Variants in FBXL13 observed in about 807,000 individuals in gnomAD.
FBXL13 encodes the protein F-box and leucine rich repeat protein 13.
A neutral mutation model predicts 83.6 loss-of-function variants in FBXL13; 67 were observed. The ratio of observed to expected loss-of-function variants is 0.80; its 90% CI spans 0.66 to 0.98. The LOEUF (loss-of-function observed/expected upper bound fraction) is 0.98. FBXL13 is among the 50% of genes least tolerant of loss of function. FBXL13 has a pLI of 0.00. For synonymous variants in FBXL13, 272 were observed against 299.5 expected, an observed-to-expected ratio of 0.91 and a Z score of 0.95; for missense variants, 822 against 866.5, an observed-to-expected ratio of 0.95 and a Z score of 0.64.
rs557026224 is a variant in FBXL13, at chr7:102,873,501, C to T, written c.1635+3966G>A. Among the ~76,000 whole-genome samples, 9 of 152,364 alleles carry T rather than the reference C, an allele frequency of 5.9e-5. No individual in the cohort carries two copies. The South Asian group carries it at 1.7e-3, about 28-fold the overall frequency. On this transcript the variant is annotated intron_variant, in intron 16 of 19. Coordinates refer to ENST00000313221, the Ensembl canonical transcript of FBXL13. ...CATGCTTACTGCCCTCTCCCTAACA[C>T]AGGCGTTCATAACTTTTCACCTGGA... is the stretch of plus-strand genomic sequence containing the variant.
intron 6 of FBXL13, among the ~76,000 whole-genome samples, chr7:103,002,680 G>A (rs1192319070): frequency 6.6e-6 from 1 of 152,184 alleles, no homozygotes; most frequent in Admixed American, 6.5e-5. Context: ...GTTGAATGTA[G>A]TATTCTCATT....
At chr7:102,833,064 T>C (rs1341709924) in intron 17 of FBXL13, 90 bp from the exon 19 acceptor site, 4 of 1,353,652 alleles carry the variant, frequency 3.0e-6, no homozygotes, top group African/African-American at 1.5e-5. Flanking sequence ...TACATTTCAG[T>C]CCCTGAAATA....
chr7:102,924,559 C>T (rs1489074232), intron 10 of FBXL13, among the ~76,000 whole-genome samples: 7 of 150,926 alleles, frequency 4.6e-5, no homozygotes, highest in Non-Finnish European at 5.9e-5. Context: ...GGTGCCACTT[C>T]TTAGGCTGGT....
chr7:102,826,069 T>G (rs963466866), intron 18 of FBXL13, among the ~76,000 whole-genome samples: 1 of 152,190 alleles, frequency 6.6e-6, no homozygotes, highest in Non-Finnish European at 1.5e-5. Context: ...GTAGGACCTC[T>G]TTATACAAAA....
At chr7:103,002,242 T>A (rs934329243) in intron 6 of FBXL13, among the ~76,000 whole-genome samples, 42 of 152,194 alleles carry the variant, frequency 2.8e-4, no homozygotes, top group African/African-American at 8.7e-4. Context: ...CAAGTTTTTT[T>A]AAACAGATTA....
intron 2 of FBXL13, among the ~76,000 whole-genome samples, chr7:103,041,917 C>G (rs1435492472): frequency 6.6e-6 from 1 of 152,148 alleles, no homozygotes; most frequent in Non-Finnish European, 1.5e-5. Context: ...TGGCACAAGA[C>G]AAGGATGCCC....
intron 6 of FBXL13, among the ~76,000 whole-genome samples, chr7:103,016,332 G>A (rs1466292102): frequency 6.9e-6 from 1 of 144,910 alleles, no homozygotes; most frequent in Admixed American, 6.9e-5. Context: ...GGGGTGGGGG[G>A]AGGTTCCAAG....
chr7:102,893,495 G>A (rs186266416), intron 11 of FBXL13, among the ~76,000 whole-genome samples: 402 of 152,310 alleles, frequency 2.6e-3, no homozygotes, highest in Middle Eastern at 0.01. Flanking sequence ...GGCTGGGCGC[G>A]GTGGCTCGCG....
At chr7:102,903,946 T>TC (rs1373621533) in intron 11 of FBXL13, among the ~76,000 whole-genome samples, 2 of 142,996 alleles carry the variant, frequency 1.4e-5, no homozygotes, top group African/African-American at 5.3e-5. Flanking sequence ...TTTCTTTTTT[T>TC]TTTTTTTTTT....
At chr7:102,987,870 C>T (rs1829153986) in intron 6 of FBXL13, among the ~76,000 whole-genome samples, 1 of 152,102 alleles carries the variant, frequency 6.6e-6, no homozygotes, top group South Asian at 2.1e-4. Context: ...GCTGAACACG[C>T]TAGGGGGTAG....
At chr7:102,940,548 AT>A (rs991334859) in intron 8 of FBXL13, among the ~76,000 whole-genome samples, 2 of 151,958 alleles carry the variant, frequency 1.3e-5, no homozygotes, top group Non-Finnish European at 2.9e-5. Flanking sequence ...CAAATTTGGA[AT>A]TTTTTTTGCT....
exon 13 of FBXL13, chr7:102,883,594 C>A (rs768656162): frequency 6.2e-7 from 1 of 1,610,406 alleles, no homozygotes; most frequent in South Asian, 1.1e-5. Flanking sequence ...TCTGAGTTTA[C>A]AAGCAGAAAG....
At chr7:103,044,788 A>G (rs1796104926) in intron 2 of FBXL13, among the ~76,000 whole-genome samples, 1 of 152,200 alleles carries the variant, frequency 6.6e-6, no homozygotes, top group African/African-American at 2.4e-5. Context: ...TGTGAAGTTC[A>G]TTTCCTCCTT....
chr7:103,029,875 A>C (rs1226759191), intron 2 of FBXL13, among the ~76,000 whole-genome samples: 1 of 152,174 alleles, frequency 6.6e-6, no homozygotes, highest in African/African-American at 2.4e-5. Context: ...AAAACCACAT[A>C]AATGAAAAGT....
chr7:103,011,563 G>A (rs1032725019), intron 6 of FBXL13, among the ~76,000 whole-genome samples: 3 of 151,444 alleles, frequency 2.0e-5, no homozygotes, highest in East Asian at 1.9e-4. Flanking sequence ...GCTTGAACCC[G>A]GGAGGCAGAG....
intron 8 of FBXL13, among the ~76,000 whole-genome samples, chr7:102,963,316 A>G (rs1585154629): frequency 1.3e-5 from 2 of 151,236 alleles, no homozygotes; most frequent in African/African-American, 4.9e-5. Context: ...GTGAGACTCC[A>G]TCTCAAAAAA....
Position 102,883,343 on chromosome 7 carries a change from CAAAGGTG to C in FBXL13, c.1343_1349del (p.Ser448Ter). On this transcript the variant is annotated frameshift_variant, in exon 14 of 20. Coordinates refer to ENST00000313221, the Ensembl canonical transcript of FBXL13. LOFTEE classifies it high-confidence loss of function. Reference sequence around the variant, plus strand: ...CCAAATTCAACACAGTCAGTTGCTTCAAAGGTGAAAGGGATCTGAGGCTGCTGTCTGT... The same window carrying C: ...CCAAATTCAACACAGTCAGTTGCTTCAAAGGGATCTGAGGCTGCTGTCTGT... 17 of 1,613,106 alleles carry C rather than the reference CAAAGGTG, an allele frequency of 1.1e-5. No homozygotes were observed. The highest frequency in any genetic ancestry group is 1.4e-5 in the Non-Finnish European group (16 of 1,179,812).
At chr7:102,813,476 C>G in exon 20 of FBXL13, 1 of 1,614,100 alleles carries the variant, frequency 6.2e-7, no homozygotes. Flanking sequence ...CGTGGAGGGT[C>G]ATTAGTGTTG....
intron 9 of FBXL13, among the ~76,000 whole-genome samples, chr7:102,929,506 A>T (rs1312610273): frequency 6.6e-6 from 1 of 151,964 alleles, no homozygotes; most frequent in Non-Finnish European, 1.5e-5. Flanking sequence ...TACAAAAAAA[A>T]TTCAAAAATT....
Sources: allele counts gnomAD v4.1 joint callset (sites outside exome capture counted in the v4.1 genomes callset), GRCh38; gene constraint gnomAD v4.1.1; transcripts MANE v1.5; gene names NCBI Gene and HGNC (gene_info 2026-07-23, HGNC 2026-07-21).